FAT3: variants seen among roughly 807,000 people sequenced by gnomAD.
The protein encoded by FAT3 is FAT atypical cadherin 3.
In FAT3, 95 loss-of-function variants were observed where a neutral mutation model predicts 310.2. The observed-to-expected ratio is 0.31, with a 90% confidence interval of 0.26 to 0.36. FAT3 has a LOEUF of 0.36. Ranked by LOEUF, FAT3 falls within the 10% of genes least tolerant of loss-of-function variation. The probability of loss-of-function intolerance (pLI) is 1.00; values close to 1 mark genes in which losing one functional copy is unlikely to be tolerated. For missense variants in FAT3, 5,408 were observed against 5,715.6 expected, an observed-to-expected ratio of 0.95 and a Z score of 1.74; for synonymous variants, 2,314 against 2,192.9, an observed-to-expected ratio of 1.06 and a Z score of -1.54.
At chr11:92,479,055 G>A (rs1265090244) in intron 2 of FAT3, among the ~76,000 whole-genome samples, 4 of 149,502 alleles carry the variant, frequency 2.7e-5, no homozygotes, top group Admixed American at 6.7e-5. Flanking sequence ...AGGCTGGAGT[G>A]CAGCGGGGTT....
chr11:92,825,739 G>A (rs1591784815), intron 13 of FAT3, among the ~76,000 whole-genome samples: 1 of 152,208 alleles, frequency 6.6e-6, no homozygotes, highest in Admixed American at 6.5e-5. Context: ...AGAAGCTGGG[G>A]CAAGCCTGGA....
rs750412438 is a variant in FAT3, at chr11:92,353,206, G to C, written c.1094G>C (p.Gly365Ala). Residue 365 changes from glycine to alanine, a missense_variant, in exon 2 of 28, where the codon GGC becomes GCC. Transcript: ENST00000525166. ...KCSALKAVYI[G>A]NPTRDTVPIR... is the part of the protein sequence containing the mutation. ...TCAGCATTAAAGGCAGTCTACATTG[G>C]CAACCCCACAAGAGACACTGTCCCC... 6.2e-7 allele frequency: 1 copy of C among 1,613,704 alleles called. No homozygotes were observed. The highest frequency in any genetic ancestry group is 1.1e-5 in the South Asian group (1 of 91,054).
At chr11:92,628,573 A>T (rs1431249073) in intron 3 of FAT3, among the ~76,000 whole-genome samples, 2 of 152,214 alleles carry the variant, frequency 1.3e-5, no homozygotes, top group Admixed American at 6.5e-5. Flanking sequence ...TTTAAATTGC[A>T]ATTGACAGAG....
chr11:92,598,215 C>CAT lies in FAT3; in HGVS notation c.3607+73282_3607+73283dup, dbSNP rs148924628. ...TCATGTATATAAATATATATGTATA[C>CAT]ATATATATATATATATTTTTTTTTT... On this transcript the variant is annotated intron_variant, in intron 3 of 27. Transcript: ENST00000525166. Among the ~76,000 whole-genome samples the CAT allele has an allele frequency of 1.8e-3, 243 of 136,412 alleles. 3 individuals carry two copies. Among genetic ancestry groups the CAT allele is most frequent in the South Asian group, 9.6e-3 (43 of 4,488 alleles). 89.5% of individuals were successfully genotyped at this position (136,412 alleles called of 152,430 possible). A position where few individuals can be genotyped will look rare whatever the true frequency, so the allele number is the denominator to read the frequency against.
chr11:92,259,110 T>G (rs975758079), intron 1 of FAT3, among the ~76,000 whole-genome samples: 1 of 152,102 alleles, frequency 6.6e-6, no homozygotes, highest in Non-Finnish European at 1.5e-5. Flanking sequence ...CACTGCAATA[T>G]TAAGTGGTTG....
intron 1 of FAT3, chr11:92,336,192 C>G (rs1948073305): frequency 1.8e-6 from 1 of 567,092 alleles, no homozygotes; most frequent in South Asian, 1.4e-5. Context: ...AAAGGTGCTG[C>G]CAAGGACCGG....
chr11:92,394,328 T>C (rs1254195268), intron 2 of FAT3, among the ~76,000 whole-genome samples: 1 of 151,932 alleles, frequency 6.6e-6, no homozygotes, highest in Admixed American at 6.6e-5. Context: ...AACAATTAGC[T>C]GAGGGTGGTG....
chr11:92,581,389 C>G (rs1404793018), intron 3 of FAT3, among the ~76,000 whole-genome samples: 1 of 151,504 alleles, frequency 6.6e-6, no homozygotes, highest in East Asian at 1.9e-4. Context: ...ACTGATCCCC[C>G]ACTGGGGTTT....
chr11:92,778,914 T>C (rs758468557), intron 7 of FAT3, among the ~76,000 whole-genome samples: 2 of 152,138 alleles, frequency 1.3e-5, no homozygotes, highest in Non-Finnish European at 2.9e-5. Context: ...ATTCACTCTC[T>C]TTGAGAATTT....
At chr11:92,558,216 A>G (rs888745589) in intron 3 of FAT3, among the ~76,000 whole-genome samples, 1 of 152,336 alleles carries the variant, frequency 6.6e-6, no homozygotes, top group East Asian at 1.9e-4. Flanking sequence ...AGGAAGCTTA[A>G]TTACAAACCA....
At chr11:92,295,293 C>T (rs2134408247) in intron 1 of FAT3, among the ~76,000 whole-genome samples, 1 of 152,206 alleles carries the variant, frequency 6.6e-6, no homozygotes, top group Non-Finnish European at 1.5e-5. Flanking sequence ...TTCACAGAGC[C>T]TGCCAAGAGC....
At chr11:92,437,404 G>C (rs1304071558) in intron 2 of FAT3, among the ~76,000 whole-genome samples, 10 of 152,192 alleles carry the variant, frequency 6.6e-5, no homozygotes, top group African/African-American at 2.2e-4. Context: ...CTTATTCGCT[G>C]CATGACCTTG....
intron 2 of FAT3, among the ~76,000 whole-genome samples, chr11:92,428,558 G>A (rs1409296077): frequency 1.3e-5 from 2 of 152,072 alleles, no homozygotes; most frequent in African/African-American, 2.4e-5. Flanking sequence ...CTTTAGCTGT[G>A]TCCCAGAGAT....
chr11:92,477,528 T>C (rs901919720), intron 2 of FAT3, among the ~76,000 whole-genome samples: 1 of 152,226 alleles, frequency 6.6e-6, no homozygotes, highest in Non-Finnish European at 1.5e-5. Context: ...TCTCTGACCT[T>C]ATCTATTATC....
chr11:92,336,149 C>G (rs1948069790), intron 1 of FAT3: 2 of 547,538 alleles, frequency 3.7e-6, no homozygotes, highest in Middle Eastern at 3.1e-4. Context: ...AGTGGGCCCA[C>G]TCTCGCATCC....
intron 3 of FAT3, among the ~76,000 whole-genome samples, chr11:92,646,795 C>T (rs755474811): frequency 1.3e-5 from 2 of 152,172 alleles, no homozygotes; most frequent in Non-Finnish European, 2.9e-5. Context: ...GAGTTGTCAA[C>T]ACTGATAACA....
chr11:92,618,284 G>A (rs112540198), intron 3 of FAT3, among the ~76,000 whole-genome samples: 89 of 152,288 alleles, frequency 5.8e-4, no homozygotes, highest in African/African-American at 1.9e-3. Flanking sequence ...TGAGCCAGGC[G>A]CGGGATACAA....
chr11:92,603,960 A>G (rs1033380092), intron 3 of FAT3, among the ~76,000 whole-genome samples: 16 of 152,138 alleles, frequency 1.1e-4, no homozygotes, highest in East Asian at 5.8e-4. Flanking sequence ...AAAATACCCT[A>G]CCAACTACTT....
chr11:92,806,652 C>G, intron 12 of FAT3, 137 bp downstream of exon 12: 7 of 701,002 alleles, frequency 1.0e-5, no homozygotes, highest in Non-Finnish European at 1.6e-5. Context: ...TCCCTTCCAT[C>G]CTTTCTGAAT....
Sources: gnomAD v4.1 joint callset for allele counts (sites outside exome capture counted in the v4.1 genomes callset) on GRCh38, gnomAD v4.1.1 for gene constraint, MANE v1.5 for transcripts, NCBI Gene and HGNC (gene_info 2026-07-23, HGNC 2026-07-21) for gene names.